STK38L: variants seen among roughly 807,000 people sequenced by gnomAD.
The protein encoded by STK38L is serine/threonine kinase 38 like, also known as serine/threonine-protein kinase 38-like.
A neutral mutation model predicts 59.7 loss-of-function variants in STK38L; 28 were observed. The ratio of observed to expected loss-of-function variants is 0.47; its 90% confidence interval spans 0.35 to 0.64. The LOEUF (loss-of-function observed/expected upper bound fraction) is 0.64, where lower values mean the gene tolerates loss of function less well. Ranked by LOEUF, STK38L falls within the 30% of genes least tolerant of loss-of-function variation. The probability of loss-of-function intolerance (pLI) is 0.01; values close to 1 mark genes in which losing one functional copy is unlikely to be tolerated. For synonymous variants in STK38L, 162 were observed against 176.8 expected (o/e 0.92, Z 0.66); for missense variants, 314 against 555.8 (o/e 0.56, Z 4.37).
intron 1 of STK38L, among the ~76,000 whole-genome samples, chr12:27,294,874 C>G (rs1456789237): frequency 6.8e-6 from 1 of 145,992 alleles, no homozygotes; most frequent in Non-Finnish European, 1.5e-5. Flanking sequence ...CCACACCTAG[C>G]TAAGTAAAAA....
intron 1 of STK38L, among the ~76,000 whole-genome samples, chr12:27,291,271 T>A (rs1943889703): frequency 6.6e-6 from 1 of 152,242 alleles, no homozygotes; most frequent in African/African-American, 2.4e-5. Context: ...TTTAATCAAA[T>A]ATACTCAGTC....
intron 1 of STK38L, among the ~76,000 whole-genome samples, chr12:27,246,253 CATT>C (rs1269064123): frequency 6.6e-6 from 1 of 152,130 alleles, no homozygotes; most frequent in Non-Finnish European, 1.5e-5. Context: ...AGGAGAGCAT[CATT>C]GTGTTAGTGA....
At chr12:27,275,769 A>G (rs992106906) in intron 1 of STK38L, among the ~76,000 whole-genome samples, 1 of 152,224 alleles carries the variant, frequency 6.6e-6, no homozygotes, top group Non-Finnish European at 1.5e-5. Flanking sequence ...ATGAGGGATG[A>G]AAGATACTCC....
chr12:27,257,425 A>T (rs1195522168), intron 1 of STK38L, among the ~76,000 whole-genome samples: 1 of 152,200 alleles, frequency 6.6e-6, no homozygotes, highest in Non-Finnish European at 1.5e-5. Flanking sequence ...CCTCAGATTA[A>T]TATAACCTCC....
In STK38L at chr12:27,317,793, A is replaced by G. The variant is rs573770737; in HGVS notation, c.956-103A>G. 156 of 1,409,094 alleles carry G rather than the reference A, an allele frequency of 1.1e-4. 1 individual carries two copies. The South Asian group carries it at 2.0e-3, about 18-fold the overall frequency. 87.3% of individuals were successfully genotyped at this position (1,409,094 alleles called of 1,614,324 possible). A position where few individuals can be genotyped will look rare whatever the true frequency, so the allele number is the denominator to read the frequency against. On this transcript the variant is annotated intron_variant, in intron 10 of 13. Coordinates refer to ENST00000389032, the MANE Select transcript of STK38L (RefSeq NM_015000.4). ...ATGGTGGCATTTTTGACTGTTAAAT[A>G]GAGCACTCAGGGTTGTTTGGTTTCT...
At chr12:27,280,303 A>G (rs1298195099) in intron 1 of STK38L, among the ~76,000 whole-genome samples, 1 of 152,212 alleles carries the variant, frequency 6.6e-6, no homozygotes, top group Non-Finnish European at 1.5e-5. Flanking sequence ...CAAAGTCAGT[A>G]CTGATTCCAG....
At chr12:27,320,644 A>T (rs1050790780) in intron 12 of STK38L, among the ~76,000 whole-genome samples, 8 of 151,996 alleles carry the variant, frequency 5.3e-5, no homozygotes, top group African/African-American at 1.9e-4. Context: ...CACTGTTTTA[A>T]GTACTTTACT....
chr12:27,303,822 A>G (rs1331274925), intron 3 of STK38L, among the ~76,000 whole-genome samples: 1 of 152,238 alleles, frequency 6.6e-6, no homozygotes. Context: ...GTACAGAATA[A>G]TGAGTTTACA....
At chr12:27,259,175 A>G (rs1943151717) in intron 1 of STK38L, among the ~76,000 whole-genome samples, 1 of 152,222 alleles carries the variant, frequency 6.6e-6, no homozygotes. Context: ...TTCCGGCTGA[A>G]TGATAAACAC....
chr12:27,254,841 A>G (rs1457761149), intron 1 of STK38L, among the ~76,000 whole-genome samples: 1 of 152,220 alleles, frequency 6.6e-6, no homozygotes, highest in Admixed American at 6.5e-5. Flanking sequence ...AAAGAGATCA[A>G]GTACCTCCAC....
At chr12:27,259,154 C>G (rs115090114) in intron 1 of STK38L, among the ~76,000 whole-genome samples, 80 of 152,324 alleles carry the variant, frequency 5.3e-4, no homozygotes, top group African/African-American at 1.8e-3. Flanking sequence ...TTATAATCAT[C>G]TAGGATTTTC....
Position 27,308,549 on chromosome 12 carries a change from G to T in STK38L, c.309+88G>T. ...GTGTTAAAATATAATTCCTGGCTGG[G>T]TGCGGTGGCTCACGCCTGTAATCCC... On this transcript the variant is annotated intron_variant, in intron 4 of 13. Transcript: ENST00000389032. This position sits in a 1 kb window ranked among gnomAD's most constrained non-coding sequence, Gnocchi z 4.5. The T allele has an allele frequency of 3.1e-6, 4 of 1,289,838 alleles. No homozygotes were observed. Among genetic ancestry groups the T allele is most frequent in the Non-Finnish European group, 4.0e-6 (4 of 996,900 alleles). 79.9% of individuals were successfully genotyped at this position (1,289,838 alleles called of 1,614,324 possible).
chr12:27,300,688 G>A, intron 2 of STK38L: 1 of 446,232 alleles, frequency 2.2e-6, no homozygotes, highest in South Asian at 1.6e-5. Flanking sequence ...ATAAACAAAA[G>A]ACAAAAATCA....
rs956364357 is a variant in STK38L, at chr12:27,267,268, A to G, written c.-12+22936A>G. ...TACAATAAAGGAAAATGAAACATCA[A>G]AGTATCTACCTCAGGTTAAGAAGCA... On this transcript the variant is annotated intron_variant, in intron 1 of 13. Transcript: ENST00000389032. Among the ~76,000 whole-genome samples, 14 of 152,262 alleles carry G rather than the reference A, an allele frequency of 9.2e-5. No individual in the cohort carries two copies. The East Asian group carries it at 2.5e-3, about 27-fold the overall frequency.
intron 1 of STK38L, among the ~76,000 whole-genome samples, chr12:27,272,986 A>C (rs61915909): frequency 0.051 from 7,738 of 152,266 alleles, 589 homozygotes; most frequent in East Asian, 0.39. Flanking sequence ...AAAAAGCTGA[A>C]ATGCATTATT....
At chr12:27,307,898 G>A (rs908981150) in intron 3 of STK38L, among the ~76,000 whole-genome samples, 2 of 152,100 alleles carry the variant, frequency 1.3e-5, no homozygotes, top group Non-Finnish European at 2.9e-5. Context: ...AATCTCTTTG[G>A]AAACACTACC....
rs569286209 is a variant in STK38L, at chr12:27,278,929, A to C, written c.-11-18781A>C. Among the ~76,000 whole-genome samples the C allele has an allele frequency of 2.8e-4, 42 of 152,326 alleles. No individual in the cohort carries two copies. In the South Asian group the frequency reaches 8.3e-3, roughly 30 times the overall value. On this transcript the variant is annotated intron_variant, in intron 1 of 13. Transcript: ENST00000389032. ...GTAATTTAAATTGAACTTTCCAAGT[A>C]GATTTCTAGAATTCATATGAAAAAG...
chr12:27,265,197 C>G (rs996562305), intron 1 of STK38L, among the ~76,000 whole-genome samples: 5 of 152,046 alleles, frequency 3.3e-5, no homozygotes, highest in African/African-American at 1.2e-4. Context: ...CTTTAGTAAA[C>G]AAGATTTGAC....
intron 1 of STK38L, among the ~76,000 whole-genome samples, chr12:27,269,936 C>A (rs1333490567): frequency 5.9e-5 from 9 of 152,196 alleles, no homozygotes; most frequent in Non-Finnish European, 2.9e-5. Flanking sequence ...AGCAGCTGCA[C>A]CCGGCCAACT....
Sources: gnomAD v4.1 joint callset for allele counts (sites outside exome capture counted in the v4.1 genomes callset) on GRCh38, gnomAD v4.1.1 for gene constraint, Gnocchi (gnomAD v3.1) non-coding constraint, MANE v1.5 for transcripts, NCBI Gene and HGNC (gene_info 2026-07-23, HGNC 2026-07-21) for gene names.